Variants in CDK14 observed in about 807,000 individuals in gnomAD.
The protein encoded by CDK14 is cyclin-dependent kinase 14.
Under a neutral mutation model 60.7 loss-of-function variants are expected in CDK14, and 34 were observed. That is an observed-to-expected ratio of 0.56 (90% CI 0.43 to 0.75). CDK14 has a LOEUF of 0.75. Ranked by LOEUF, CDK14 falls within the 30% of genes least tolerant of loss-of-function variation. The probability of loss-of-function intolerance (pLI) is 0.00; values close to 1 mark genes in which losing one functional copy is unlikely to be tolerated. For synonymous variants in CDK14, 197 were observed against 203.7 expected (o/e 0.97, Z 0.28); for missense variants, 482 against 564.1 (o/e 0.85, Z 1.47).
At chr7:90,872,162 T>C (rs761512817) in intron 6 of CDK14, among the ~76,000 whole-genome samples, 1 of 152,182 alleles carries the variant, frequency 6.6e-6, no homozygotes, top group African/African-American at 2.4e-5. Flanking sequence ...CCATAAGCCA[T>C]TTGAGTTATA....
chr7:90,970,246 G>A (rs948699024), intron 9 of CDK14, among the ~76,000 whole-genome samples: 3 of 152,184 alleles, frequency 2.0e-5, no homozygotes, highest in African/African-American at 4.8e-5. Context: ...GATTAAAGGT[G>A]TGAGCCACTG....
At chr7:91,060,241 T>G (rs1797735676) in intron 11 of CDK14, among the ~76,000 whole-genome samples, 2 of 151,852 alleles carry the variant, frequency 1.3e-5, no homozygotes, top group South Asian at 4.2e-4. Context: ...TTTTTTTTTT[T>G]CCATTTGCTT....
intron 8 of CDK14, among the ~76,000 whole-genome samples, chr7:90,954,212 C>A (rs933372044): frequency 7.2e-5 from 11 of 152,048 alleles, no homozygotes; most frequent in African/African-American, 2.7e-4. Flanking sequence ...GTCTTACCAG[C>A]TGTCTTATTA....
At chr7:90,824,966 C>T (rs796348003) in intron 5 of CDK14, among the ~76,000 whole-genome samples, 6 of 152,194 alleles carry the variant, frequency 3.9e-5, no homozygotes, top group African/African-American at 1.4e-4. Context: ...TTGCTAGATT[C>T]GTAGTTTGTG....
chr7:90,957,816 T>C (rs1188947721), intron 9 of CDK14, among the ~76,000 whole-genome samples: 1 of 151,972 alleles, frequency 6.6e-6, no homozygotes, highest in Non-Finnish European at 1.5e-5. Context: ...CCCATCAAGC[T>C]ACCAATGACT....
At chr7:91,163,071 A>G (rs1801219095) in intron 14 of CDK14, among the ~76,000 whole-genome samples, 1 of 152,238 alleles carries the variant, frequency 6.6e-6, no homozygotes, top group African/African-American at 2.4e-5. Context: ...GCACTTGTAT[A>G]TAATTGTTCA....
intron 8 of CDK14, among the ~76,000 whole-genome samples, chr7:90,929,067 G>A (rs1056026197): frequency 2.0e-5 from 3 of 152,178 alleles, no homozygotes; most frequent in Admixed American, 1.3e-4. Flanking sequence ...TAATTCCATT[G>A]GAACAGCACT....
chr7:91,191,801 T>C (rs1048639541), intron 14 of CDK14, among the ~76,000 whole-genome samples: 3 of 152,090 alleles, frequency 2.0e-5, no homozygotes, highest in Non-Finnish European at 4.4e-5. Context: ...CTTAATGCCT[T>C]CTTCATTTGA....
At chr7:91,069,270 G>A (rs183816661) in intron 11 of CDK14, among the ~76,000 whole-genome samples, 4 of 152,292 alleles carry the variant, frequency 2.6e-5, no homozygotes, top group East Asian at 1.9e-4. Flanking sequence ...CAGGCACAGC[G>A]GCTCGTGCTT....
chr7:90,948,493 A>G (rs1301671377), intron 8 of CDK14, among the ~76,000 whole-genome samples: 2 of 152,236 alleles, frequency 1.3e-5, no homozygotes, highest in African/African-American at 4.8e-5. Context: ...ATCACTGAGC[A>G]TTAGTACTTG....
At chr7:91,060,439 C>A (rs564970979) in intron 11 of CDK14, among the ~76,000 whole-genome samples, 23 of 152,256 alleles carry the variant, frequency 1.5e-4, no homozygotes, top group Admixed American at 1.4e-3. Context: ...TTGATCCTGT[C>A]ATTATGATGT....
chr7:90,979,662 T>C (rs1795177290), intron 9 of CDK14: 1 of 152,158 alleles, frequency 6.6e-6, no homozygotes, highest in South Asian at 2.1e-4. Flanking sequence ...TCTAAACTAT[T>C]AGACATACCC....
intron 11 of CDK14, among the ~76,000 whole-genome samples, chr7:91,060,433 T>C (rs1449717168): frequency 6.6e-6 from 1 of 152,204 alleles, no homozygotes; most frequent in East Asian, 1.9e-4. Flanking sequence ...GTGAATTTGA[T>C]CCTGTCATTA....
At chr7:90,770,737 T>C (rs1227029967) in intron 4 of CDK14, among the ~76,000 whole-genome samples, 1 of 152,180 alleles carries the variant, frequency 6.6e-6, no homozygotes, top group Non-Finnish European at 1.5e-5. Context: ...ATAGACCCCT[T>C]CACGCTTAAG....
chr7:90,974,636 T>A (rs1795018008), intron 9 of CDK14, among the ~76,000 whole-genome samples: 1 of 152,168 alleles, frequency 6.6e-6, no homozygotes, highest in Non-Finnish European at 1.5e-5. Context: ...GAAATAATAA[T>A]CTTTATGTCT....
rs116505541 is a variant in CDK14, at chr7:90,616,969, A to G, written c.123+12720A>G. ...AAGATAGTTAGGCATATTAAACTCA[A>G]TGGTGGACTTTTTTTTCAGCTTCAA... is the stretch of plus-strand genomic sequence containing the variant. On this transcript the variant is annotated intron_variant, in intron 2 of 14. Coordinates refer to ENST00000380050, the MANE Select transcript of CDK14 (RefSeq NM_001287135.2). Among the ~76,000 whole-genome samples, 1,350 of 152,114 alleles carry G rather than the reference A, an allele frequency of 8.9e-3. 24 individuals are homozygous for G. Among genetic ancestry groups the G allele is most frequent in the African/African-American group, 0.029 (1,186 of 41,500 alleles).
intron 8 of CDK14, among the ~76,000 whole-genome samples, chr7:90,935,069 C>T (rs1470952272): frequency 6.6e-6 from 1 of 152,222 alleles, no homozygotes; most frequent in Admixed American, 6.5e-5. Flanking sequence ...TGGTGAAGGC[C>T]TTCTTGCTGT....
chr7:91,067,017 G>A (rs1184913489), intron 11 of CDK14, among the ~76,000 whole-genome samples: 3 of 152,198 alleles, frequency 2.0e-5, no homozygotes, highest in African/African-American at 7.2e-5. Flanking sequence ...ATTGGAAAGA[G>A]AAAGTTGACA....
chr7:90,867,157 C>T (rs757334369), intron 6 of CDK14, among the ~76,000 whole-genome samples: 1 of 152,178 alleles, frequency 6.6e-6, no homozygotes, highest in African/African-American at 2.4e-5. Flanking sequence ...ACCAAGGAGT[C>T]GCTCAGTTAG....
Sources: gnomAD v4.1 joint callset for allele counts (sites outside exome capture counted in the v4.1 genomes callset) on GRCh38, gnomAD v4.1.1 for gene constraint, MANE v1.5 for transcripts, NCBI Gene and HGNC (gene_info 2026-07-23, HGNC 2026-07-21) for gene names.